CADPS2: variants seen among roughly 807,000 people sequenced by gnomAD.
The protein encoded by CADPS2 is calcium-dependent secretion activator 2.
CADPS2 carries 93 observed loss-of-function variants against 172.5 expected under a neutral mutation model. The observed-to-expected ratio is 0.54, with a 90% CI of 0.46 to 0.64. The LOEUF is 0.64. Ranked by LOEUF, CADPS2 falls within the 30% of genes least tolerant of loss-of-function variation. The pLI, the probability that CADPS2 is intolerant of heterozygous loss-of-function variation, is 0.00. For missense variants in CADPS2, 1,420 were observed against 1,565.9 expected (o/e 0.91, Z 1.57); for synonymous variants, 546 against 555.2 (o/e 0.98, Z 0.23).
intron 1 of CADPS2, among the ~76,000 whole-genome samples, chr7:122,752,448 T>C (rs967991189): frequency 2.0e-5 from 3 of 152,218 alleles, no homozygotes; most frequent in Non-Finnish European, 4.4e-5. Context: ...AAAACATTTA[T>C]AACCTCAATT....
chr7:122,460,718 A>C (rs12706416), intron 14 of CADPS2, among the ~76,000 whole-genome samples: 5 of 152,146 alleles, frequency 3.3e-5, no homozygotes, highest in African/African-American at 1.2e-4. Context: ...TAAAAGATCT[A>C]AGGAAACAAA....
chr7:122,436,641 C>T (rs2050679423), intron 17 of CADPS2, among the ~76,000 whole-genome samples: 1 of 151,984 alleles, frequency 6.6e-6, no homozygotes, highest in Non-Finnish European at 1.5e-5. Flanking sequence ...AGCATTCCTA[C>T]CACAGTGGGT....
At chr7:122,412,959 G>A (rs2047480665) in intron 19 of CADPS2, 1 of 152,208 alleles carries the variant, frequency 6.6e-6, no homozygotes, top group African/African-American at 2.4e-5. Flanking sequence ...CAGAACTAAG[G>A]CAGGACAATC....
chr7:122,814,663 G>C (rs1312411629), intron 1 of CADPS2, among the ~76,000 whole-genome samples: 1 of 152,224 alleles, frequency 6.6e-6, no homozygotes, highest in Non-Finnish European at 1.5e-5. Flanking sequence ...TGTCAAGACA[G>C]AGACAATCTG....
At chr7:122,736,876 A>C in intron 2 of CADPS2, 79 bp downstream of exon 2, 1 of 740,022 alleles carries the variant, frequency 1.4e-6, no homozygotes, top group African/African-American at 1.8e-5. Context: ...AAGCTTCTTT[A>C]AAATGAGAAA....
chr7:122,490,068 T>A lies in CADPS2; in HGVS notation c.1852+13A>T. 1 of 1,611,156 alleles carries A rather than the reference T, an allele frequency of 6.2e-7. No individual in the cohort carries two copies. The highest frequency in any genetic ancestry group is 8.5e-7 in the Non-Finnish European group (1 of 1,177,944). On this transcript the variant is annotated intron_variant, in intron 11 of 29. Transcript: ENST00000449022. Reference sequence around the variant, plus strand: ...ATTAATTGATAATCAAATTATTTTTTAACAAAACTTACAAAGCTGAGCATC... The same window carrying A: ...ATTAATTGATAATCAAATTATTTTTAAACAAAACTTACAAAGCTGAGCATC...
intron 3 of CADPS2, among the ~76,000 whole-genome samples, chr7:122,645,392 T>C (rs1264213050): frequency 7.8e-5 from 5 of 63,780 alleles, no homozygotes; most frequent in East Asian, 6.6e-4. Flanking sequence ...TACATGTGTG[T>C]GTATATATGT....
At chr7:122,462,485 A>G (rs183225792) in intron 14 of CADPS2, among the ~76,000 whole-genome samples, 22 of 152,320 alleles carry the variant, frequency 1.4e-4, no homozygotes, top group Admixed American at 1.4e-3. Flanking sequence ...AAATGGATTT[A>G]CTTTTATTAA....
At chr7:122,821,867 C>A (rs1473740652) in intron 1 of CADPS2, among the ~76,000 whole-genome samples, 1 of 152,160 alleles carries the variant, frequency 6.6e-6, no homozygotes, top group Non-Finnish European at 1.5e-5. Flanking sequence ...TCAGGCCTGT[C>A]CTCGGAATGC....
chr7:122,678,461 C>G (rs28635203), intron 2 of CADPS2, among the ~76,000 whole-genome samples: 2 of 152,128 alleles, frequency 1.3e-5, no homozygotes, highest in African/African-American at 2.4e-5. Flanking sequence ...TCAAATTAAT[C>G]TCTCAAAGGC....
chr7:122,650,211 A>G (rs1463369373), intron 3 of CADPS2, among the ~76,000 whole-genome samples: 1 of 151,678 alleles, frequency 6.6e-6, no homozygotes, highest in African/African-American at 2.4e-5. Flanking sequence ...CGCCCGGCCA[A>G]TGAACATTTT....
At chr7:122,356,166 G>A (rs926297353) in intron 27 of CADPS2, among the ~76,000 whole-genome samples, 2 of 151,968 alleles carry the variant, frequency 1.3e-5, no homozygotes, top group African/African-American at 4.8e-5. Context: ...AGGATACCAC[G>A]TTACATTTAG....
intron 2 of CADPS2, among the ~76,000 whole-genome samples, chr7:122,736,476 C>G (rs945242312): frequency 6.6e-6 from 1 of 152,082 alleles, no homozygotes; most frequent in Non-Finnish European, 1.5e-5. Flanking sequence ...GAGTCACAAG[C>G]TAGAATCAGA....
At chr7:122,320,441 G>T in intron 29 of CADPS2, 103 bp from the exon 30 acceptor site, 1 of 846,724 alleles carries the variant, frequency 1.2e-6, no homozygotes, top group Non-Finnish European at 1.7e-6. Flanking sequence ...GGAATCCACT[G>T]ATAGGTTCAT....
chr7:122,411,118 T>A (rs1225814147), intron 19 of CADPS2, among the ~76,000 whole-genome samples: 1 of 152,158 alleles, frequency 6.6e-6, no homozygotes, highest in African/African-American at 2.4e-5. Flanking sequence ...CATCCATCCA[T>A]CCATCTACCA....
intron 1 of CADPS2, chr7:122,849,712 T>C (rs191152082): frequency 5.6e-6 from 2 of 354,866 alleles, no homozygotes; most frequent in Admixed American, 8.4e-5. Flanking sequence ...GAGCTTTCAA[T>C]TTAAAAAGCC....
chr7:122,651,461 T>C (rs537426970), intron 3 of CADPS2, among the ~76,000 whole-genome samples: 122 of 152,348 alleles, frequency 8.0e-4, no homozygotes, highest in Middle Eastern at 3.4e-3. Context: ...TTTAAACTCT[T>C]AGACTCAAAG....
chr7:122,850,680 C>T (rs1244939034), intron 1 of CADPS2, among the ~76,000 whole-genome samples: 5 of 152,208 alleles, frequency 3.3e-5, no homozygotes, highest in Non-Finnish European at 7.3e-5. Context: ...CCATCCCCAT[C>T]CTCCAGCTTC....
At chr7:122,577,008 G>A (rs1320681163) in intron 7 of CADPS2, among the ~76,000 whole-genome samples, 1 of 151,936 alleles carries the variant, frequency 6.6e-6, no homozygotes, top group Non-Finnish European at 1.5e-5. Flanking sequence ...TGATCCCCCT[G>A]CCTCGGCCTC....
Sources: allele counts gnomAD v4.1 joint callset (sites outside exome capture counted in the v4.1 genomes callset), GRCh38; gene constraint gnomAD v4.1.1; transcripts MANE v1.5; gene names NCBI Gene and HGNC (gene_info 2026-07-23, HGNC 2026-07-21).